Variants in PDE1C observed in about 807,000 individuals in gnomAD.
The protein encoded by PDE1C is phosphodiesterase 1C.
Under a neutral mutation model 93.1 loss-of-function variants are expected in PDE1C, and 62 were observed. The observed-to-expected ratio is 0.67, with a 90% CI of 0.54 to 0.82. PDE1C has a LOEUF of 0.82. Among genes scored for constraint, PDE1C ranks in the 40% least tolerant of loss-of-function variants. The pLI is 0.00. For synonymous variants in PDE1C, 325 were observed against 310.1 expected (o/e 1.05, Z -0.50); for missense variants, 742 against 884.6 (o/e 0.84, Z 2.04).
At chr7:31,640,567 T>C in the PDE1C span, among the ~76,000 whole-genome samples, 1 of 152,226 alleles carries the variant, frequency 6.6e-6, no homozygotes, top group South Asian at 2.1e-4. Flanking sequence ...TGGGTAACTA[T>C]AGGGTTCAGA....
At chr7:32,022,633 A>C (rs1788842682) in intron 2 of PDE1C, among the ~76,000 whole-genome samples, 1 of 152,116 alleles carries the variant, frequency 6.6e-6, no homozygotes, top group Non-Finnish European at 1.5e-5. Context: ...TGAATGAATA[A>C]ATGAACAAAC....
intron 1 of PDE1C, among the ~76,000 whole-genome samples, chr7:32,239,508 C>A (rs1390125576): frequency 2.6e-5 from 4 of 152,088 alleles, no homozygotes; most frequent in African/African-American, 4.8e-5. Context: ...TAAGTCAATA[C>A]AAAGCAACAA....
intron 2 of PDE1C, among the ~76,000 whole-genome samples, chr7:31,963,998 C>G (rs571244465): frequency 5.9e-5 from 9 of 152,322 alleles, no homozygotes; most frequent in African/African-American, 2.2e-4. Flanking sequence ...CAAATAGGAA[C>G]AGCTGGGAGC....
At chr7:31,662,106 C>A in the PDE1C span, among the ~76,000 whole-genome samples, 2 of 152,114 alleles carry the variant, frequency 1.3e-5, no homozygotes, top group African/African-American at 4.8e-5. Flanking sequence ...CCAGTCCTTC[C>A]AGAGCTGTAG....
chr7:31,962,377 GT>G (rs1424255547), intron 2 of PDE1C, among the ~76,000 whole-genome samples: 1 of 152,196 alleles, frequency 6.6e-6, no homozygotes, highest in Non-Finnish European at 1.5e-5. Flanking sequence ...TTAAAAACCA[GT>G]TTGGTATATG....
chr7:32,004,551 T>C (rs1029582277), intron 2 of PDE1C, among the ~76,000 whole-genome samples: 1 of 152,296 alleles, frequency 6.6e-6, no homozygotes, highest in Non-Finnish European at 1.5e-5. Context: ...AGAGACTTTT[T>C]TTCCTGCTGG....
the PDE1C span, among the ~76,000 whole-genome samples, chr7:31,734,736 C>CG: frequency 6.6e-6 from 1 of 152,002 alleles, no homozygotes; most frequent in African/African-American, 2.4e-5. Context: ...TGTGAGGCCC[C>CG]GGGGCACATA....
At chr7:32,104,594 C>A (rs1027173797) in intron 3 of PDE1C, among the ~76,000 whole-genome samples, 2 of 152,122 alleles carry the variant, frequency 1.3e-5, no homozygotes, top group Non-Finnish European at 2.9e-5. Context: ...ATGATATACA[C>A]ACTAAATATT....
chr7:31,950,258 T>C (rs1054618067), intron 2 of PDE1C, among the ~76,000 whole-genome samples: 2 of 152,172 alleles, frequency 1.3e-5, no homozygotes, highest in African/African-American at 2.4e-5. Context: ...AGATGCAAGC[T>C]CTACTCCCAA....
At chr7:32,207,674 T>G (rs1259779728) in intron 2 of PDE1C, among the ~76,000 whole-genome samples, 2 of 152,326 alleles carry the variant, frequency 1.3e-5, no homozygotes, top group Non-Finnish European at 2.9e-5. Flanking sequence ...AATTACTTTT[T>G]CCTACACAGA....
At chr7:31,836,098 A>G (rs1248946334) in intron 11 of PDE1C, among the ~76,000 whole-genome samples, 1 of 152,184 alleles carries the variant, frequency 6.6e-6, no homozygotes, top group Non-Finnish European at 1.5e-5. Context: ...TAGCTGTATT[A>G]ACTTGAATTT....
At chr7:31,670,491 T>A in the PDE1C span, among the ~76,000 whole-genome samples, 1 of 152,336 alleles carries the variant, frequency 6.6e-6, no homozygotes, top group East Asian at 1.9e-4. Flanking sequence ...ATCCTTTGCA[T>A]CTCCTTGTGA....
chr7:31,698,715 A>C, the PDE1C span, among the ~76,000 whole-genome samples: 1 of 152,220 alleles, frequency 6.6e-6, no homozygotes, highest in South Asian at 2.1e-4. Flanking sequence ...ACATAATAGA[A>C]AGTCTGCTAG....
chr7:31,733,257 G>T, the PDE1C span, among the ~76,000 whole-genome samples: 2 of 152,312 alleles, frequency 1.3e-5, no homozygotes, highest in Admixed American at 1.3e-4. Flanking sequence ...GTGGCATTGG[G>T]CAGGGATCTC....
chr7:32,226,132 T>C (rs1011781039), intron 1 of PDE1C, among the ~76,000 whole-genome samples: 2 of 152,176 alleles, frequency 1.3e-5, no homozygotes, highest in Non-Finnish European at 2.9e-5. Flanking sequence ...TTGTTTGTCA[T>C]TTATAACACA....
intron 3 of PDE1C, among the ~76,000 whole-genome samples, chr7:32,162,484 G>A (rs754486506): frequency 2.6e-5 from 4 of 152,274 alleles, no homozygotes; most frequent in East Asian, 1.9e-4. Flanking sequence ...AAAGCTGAGC[G>A]AGGCTGAGAA....
chr7:32,426,587 G>A (rs2128101016), intron 1 of PDE1C, among the ~76,000 whole-genome samples: 1 of 152,230 alleles, frequency 6.6e-6, no homozygotes. Flanking sequence ...TACACGCTTA[G>A]AAAATGTAAG....
chr7:32,299,379 C>T, upstream of PDE1C: 2 of 985,618 alleles, frequency 2.0e-6, no homozygotes, highest in Non-Finnish European at 2.4e-6. Context: ...CCAGCACTGG[C>T]CTGGAGCCCC....
chr7:31,982,385 T>C (rs1264978132), intron 2 of PDE1C, among the ~76,000 whole-genome samples: 1 of 152,228 alleles, frequency 6.6e-6, no homozygotes, highest in Non-Finnish European at 1.5e-5. Context: ...TTACAAACCA[T>C]GAATTTAATG....
Sources: gnomAD v4.1 joint callset for allele counts (sites outside exome capture counted in the v4.1 genomes callset) on GRCh38, gnomAD v4.1.1 for gene constraint, MANE v1.5 for transcripts, NCBI Gene and HGNC (gene_info 2026-07-23, HGNC 2026-07-21) for gene names.